FAM200C: variants seen among roughly 807,000 people sequenced by gnomAD.
chr5:160,393,698 A>T, the FAM200C span: 1 of 1,518,262 alleles, frequency 6.6e-7, no homozygotes, highest in South Asian at 1.2e-5. Context: ...TTAAAAAAGT[A>T]TATCAGCTTA....
the FAM200C span, among the ~76,000 whole-genome samples, chr5:160,396,815 G>A: frequency 2.7e-5 from 4 of 149,376 alleles, no homozygotes; most frequent in African/African-American, 7.4e-5. Context: ...GTAAAATAAC[G>A]AATTTCATGA....
At chr5:160,399,388 C>A in the FAM200C span, among the ~76,000 whole-genome samples, 5 of 152,206 alleles carry the variant, frequency 3.3e-5, no homozygotes, top group Admixed American at 1.3e-4. Flanking sequence ...ACCTAAAACT[C>A]CAAACCAAAT....
the FAM200C span, chr5:160,394,341 A>G: frequency 1.2e-6 from 2 of 1,613,992 alleles, no homozygotes. Context: ...AGTTCATTTA[A>G]GTGTTTGAAT....
the FAM200C span, chr5:160,395,517 T>G: frequency 6.3e-7 from 1 of 1,574,954 alleles, no homozygotes; most frequent in Non-Finnish European, 8.7e-7. Flanking sequence ...CAGGTAGTAT[T>G]CCAGAGATGC....
chr5:160,398,614 G>A, the FAM200C span, among the ~76,000 whole-genome samples: 2 of 152,100 alleles, frequency 1.3e-5, no homozygotes, highest in South Asian at 4.1e-4. Flanking sequence ...TGTCTCTCAA[G>A]TATATTTTAA....
the FAM200C span, among the ~76,000 whole-genome samples, chr5:160,399,009 G>A: frequency 6.6e-6 from 1 of 152,144 alleles, no homozygotes; most frequent in Non-Finnish European, 1.5e-5. Flanking sequence ...TGCACAAAGC[G>A]GGGTGGAGAT....
At chr5:160,395,451 A>G in the FAM200C span, 1 of 1,614,202 alleles carries the variant, frequency 6.2e-7, no homozygotes, top group Non-Finnish European at 8.5e-7. Flanking sequence ...GTGAACCAGT[A>G]GCGAACATAG....
chr5:160,394,181 T>A, the FAM200C span: 1 of 1,611,748 alleles, frequency 6.2e-7, no homozygotes, highest in Non-Finnish European at 8.5e-7. Flanking sequence ...GCCTTCATTA[T>A]CTGAAACAAT....
the FAM200C span, among the ~76,000 whole-genome samples, chr5:160,396,697 GGAAAAA>G: frequency 7.3e-4 from 36 of 49,268 alleles, no homozygotes; most frequent in Admixed American, 5.6e-3. Context: ...AAGTCTCTGT[GGAAAAA>G]AAAAAAAAAA....
chr5:160,395,101 T>G, the FAM200C span: 11 of 1,614,002 alleles, frequency 6.8e-6, no homozygotes, highest in South Asian at 7.7e-5. Flanking sequence ...TTTGTGCATC[T>G]GGTCCCAAAA....
the FAM200C span, among the ~76,000 whole-genome samples, chr5:160,397,871 T>C: frequency 6.6e-6 from 1 of 152,270 alleles, no homozygotes; most frequent in Non-Finnish European, 1.5e-5. Context: ...TTCTGTATTC[T>C]ATTAATGTAT....
the FAM200C span, chr5:160,395,016 G>T: frequency 6.2e-7 from 1 of 1,613,746 alleles, no homozygotes. Flanking sequence ...AGAACTTGCT[G>T]TAAGATATCC....
the FAM200C span, chr5:160,395,200 T>C: frequency 3.1e-6 from 5 of 1,613,832 alleles, no homozygotes; most frequent in Non-Finnish European, 4.2e-6. Context: ...AATACGCAAA[T>C]TGATACGATG....
chr5:160,396,038 T>C, the FAM200C span, among the ~76,000 whole-genome samples: 2 of 152,112 alleles, frequency 1.3e-5, no homozygotes, highest in African/African-American at 2.4e-5. Flanking sequence ...AAGCACAATT[T>C]TGTTATATGC....
the FAM200C span, chr5:160,394,884 C>T: frequency 1.2e-6 from 2 of 1,612,554 alleles, no homozygotes; most frequent in East Asian, 4.5e-5. Flanking sequence ...AAGAGAAATT[C>T]TTCTACGATC....
At chr5:160,395,664 C>A in the FAM200C span, 1 of 625,366 alleles carries the variant, frequency 1.6e-6, no homozygotes, top group Non-Finnish European at 2.8e-6. Context: ...TCGAAGTAAG[C>A]CATGACAGGA....
the FAM200C span, chr5:160,394,541 T>G: frequency 3.1e-6 from 5 of 1,614,182 alleles, no homozygotes; most frequent in Non-Finnish European, 4.2e-6. Context: ...TATGCCAATT[T>G]CTTCAAAGAA....
chr5:160,393,764 A>C, the FAM200C span: 11 of 1,560,944 alleles, frequency 7.0e-6, no homozygotes, highest in Non-Finnish European at 9.6e-6. Context: ...GAAACGAGGA[A>C]CTTTTTTTGA....
the FAM200C span, chr5:160,394,425 G>A: frequency 6.2e-7 from 1 of 1,613,386 alleles, no homozygotes; most frequent in Non-Finnish European, 8.5e-7. Flanking sequence ...CTGCTCTTGT[G>A]GTGAAGAAAC....
Sources: allele counts gnomAD v4.1 joint callset (sites outside exome capture counted in the v4.1 genomes callset), GRCh38; gene constraint gnomAD v4.1.1; transcripts MANE v1.5.